RIF1: variants seen among roughly 807,000 people sequenced by gnomAD.
RIF1 encodes telomere-associated protein RIF1.
Under a neutral mutation model 247.1 loss-of-function variants are expected in RIF1, and 45 were observed. That is an observed-to-expected ratio of 0.18 (90% CI 0.14 to 0.23). The LOEUF (loss-of-function observed/expected upper bound fraction) is 0.23. RIF1 is among the 10% of genes least tolerant of loss of function. The pLI is 1.00. For synonymous variants in RIF1, 1,087 were observed against 978.8 expected (o/e 1.11, Z -2.06); for missense variants, 2,967 against 2,862.5 (o/e 1.04, Z -0.83).
chr2:151,455,905 C>T (rs1695115232), intron 22 of RIF1, among the ~76,000 whole-genome samples: 1 of 152,156 alleles, frequency 6.6e-6, no homozygotes, highest in Non-Finnish European at 1.5e-5. Flanking sequence ...GATTGGTGGA[C>T]ATACATGTTT....
intron 12 of RIF1, chr2:151,506,033 G>A: frequency 1.3e-6 from 1 of 788,804 alleles, no homozygotes; most frequent in South Asian, 1.5e-5. Context: ...ACTGTGTGGT[G>A]GTGGTACACA....
chr2:151,494,839 G>T (rs1026762159), intron 9 of RIF1: 1 of 152,494 alleles, frequency 6.6e-6, no homozygotes, highest in Admixed American at 6.6e-5. Flanking sequence ...TAGTAGAGAC[G>T]GGGTTTCACT....
intron 7 of RIF1, among the ~76,000 whole-genome samples, chr2:151,421,925 C>T (rs1244651597): frequency 1.3e-5 from 2 of 151,864 alleles, no homozygotes; most frequent in Non-Finnish European, 2.9e-5. Flanking sequence ...GCTTCCACCT[C>T]CTGGGTTCAA....
chr2:151,446,259 A>G (rs1299090556), intron 19 of RIF1, among the ~76,000 whole-genome samples, 167 bp from the exon 20 acceptor site: 1 of 152,184 alleles, frequency 6.6e-6, no homozygotes. Flanking sequence ...TCGGCCTCCC[A>G]GAGTGCTGGG....
intron 17 of RIF1, 66 bp downstream of exon 17, chr2:151,443,395 G>A (rs1286514196): frequency 1.2e-5 from 16 of 1,302,736 alleles, no homozygotes; most frequent in Admixed American, 2.3e-5. Context: ...GATTATTTAT[G>A]TACTATTTCA....
At chr2:151,489,905 TATAATC>T in intron 9 of RIF1, 1 of 1,270,004 alleles carries the variant, frequency 7.9e-7, no homozygotes, top group East Asian at 2.3e-5. Context: ...ACCTAATACT[TATAATC>T]ATGTTTGCAC....
chr2:151,437,671 A>G (rs989283783), intron 13 of RIF1, among the ~76,000 whole-genome samples: 3 of 152,220 alleles, frequency 2.0e-5, no homozygotes, highest in Non-Finnish European at 4.4e-5. Context: ...AGCCTGGGTG[A>G]TAGAGCAAGA....
chr2:151,423,615 CAA>C, intron 8 of RIF1: 1 of 152,474 alleles, frequency 6.6e-6, no homozygotes, highest in East Asian at 1.9e-4. Flanking sequence ...GAACAGCTGA[CAA>C]AAGTGTTGTG....
At chr2:151,428,717 G>A in intron 8 of RIF1, 67 bp from the exon 9 acceptor site, 1 of 1,232,274 alleles carries the variant, frequency 8.1e-7, no homozygotes, top group South Asian at 1.2e-5. Flanking sequence ...AATGAATAAA[G>A]GAATGATAGC....
chr2:151,484,890 C>T (rs1374061935), downstream of RIF1, among the ~76,000 whole-genome samples: 2 of 152,190 alleles, frequency 1.3e-5, no homozygotes, highest in Non-Finnish European at 2.9e-5. Context: ...GTTGGTCATT[C>T]GCAAGTGAGT....
chr2:151,530,690 C>G, the RIF1 span: 1 of 250,402 alleles, frequency 4.0e-6, no homozygotes, highest in Non-Finnish European at 7.6e-6. Flanking sequence ...GGGTTCCTGT[C>G]TCGTCTACAC....
At position 151,443,618 on chromosome 2, in the gene RIF1, T is replaced by C. The variant is rs1692741983; in HGVS notation, c.1895T>C (p.Ile632Thr). 1 of 1,612,828 alleles carries C rather than the reference T, an allele frequency of 6.2e-7. No homozygotes were observed. The highest frequency in any genetic ancestry group is 8.5e-7 in the Non-Finnish European group (1 of 1,179,546). The change falls in exon 18 of 36, where the codon ATT (isoleucine) becomes ACT (threonine). Residue 632 changes from isoleucine (I) to threonine (T), a missense_variant. Physicochemically the swap from Ile to Thr is moderately conservative, Grantham distance 89 (BLOSUM62 -1). This residue lies in a region of RIF1 where 369 missense variants were observed against 322.0 expected (regional missense o/e 1.15). Coordinates refer to ENST00000444746, the MANE Select transcript of RIF1 (RefSeq NM_018151.5). ...TTCAGTGACTCAGTTTTAAATGTTA[T>C]TAATCAAAATGCAAAGCAGTTGGAA... ...LAFSDSVLNV[I>T]NQNAKQLENK...
At chr2:151,504,725 TG>T (rs1284780632) in intron 12 of RIF1, among the ~76,000 whole-genome samples, 3 of 152,192 alleles carry the variant, frequency 2.0e-5, no homozygotes, top group African/African-American at 4.8e-5. Context: ...GCCTAGAATC[TG>T]CGTATGGATG....
chr2:151,529,406 T>A, the RIF1 span: 1 of 813,408 alleles, frequency 1.2e-6, no homozygotes. Context: ...TGCATGACTA[T>A]AGTACACAAT....
At position 151,477,899 on chromosome 2, in the gene RIF1, G is replaced by C. The variant is rs776676553; in HGVS notation, c.*2828G>C. On this transcript the variant is annotated 3_prime_UTR_variant, in exon 36 of 36. Transcript: ENST00000444746. ...TAATTTTTGTATTTTTAGTAGATAC[G>C]GGGTTTCACCATGTCAGCCAGGCTG... 6.6e-6 allele frequency: 1 copy of C among 152,080 alleles called. No individual in the cohort carries two copies. Among genetic ancestry groups the C allele is most frequent in the Non-Finnish European group, 1.5e-5 (1 of 68,024 alleles). 9.4% of individuals were successfully genotyped at this position (152,080 alleles called of 1,614,324 possible).
rs1692680472 is a variant in RIF1 at position 151,443,244 on chromosome 2, C to T, written c.1735-15C>T. ...TCTTTGTAACTGAGAAGATTGACTTCATTTTCTCCTTCAGGGAACTCCAGC... is the reference window on the plus strand; with the variant it reads ...TCTTTGTAACTGAGAAGATTGACTTTATTTTCTCCTTCAGGGAACTCCAGC... On this transcript the variant is annotated splice_polypyrimidine_tract_variant and intron_variant, in intron 16 of 35. Transcript: ENST00000444746. 1 of 1,494,138 alleles carries T rather than the reference C, an allele frequency of 6.7e-7. No individual in the cohort carries two copies. The highest frequency in any genetic ancestry group is 1.4e-5 in the African/African-American group (1 of 71,958). The allele number at this position is 1,494,138 out of a possible 1,614,324, so 92.6% of individuals were successfully genotyped here.
the RIF1 span, among the ~76,000 whole-genome samples, chr2:151,527,286 C>T: frequency 2.0e-5 from 3 of 152,158 alleles, no homozygotes; most frequent in Non-Finnish European, 4.4e-5. Flanking sequence ...CCAGGCCCAG[C>T]CAAAGGAGAA....
At chr2:151,417,992 T>TA (rs932139579) in intron 6 of RIF1, among the ~76,000 whole-genome samples, 4 of 152,052 alleles carry the variant, frequency 2.6e-5, no homozygotes, top group Non-Finnish European at 5.9e-5. Flanking sequence ...AAAAATATGA[T>TA]AAAAAAGATT....
At chr2:151,449,248 T>C (rs1486424362) in intron 20 of RIF1, among the ~76,000 whole-genome samples, 4 of 152,228 alleles carry the variant, frequency 2.6e-5, no homozygotes, top group Non-Finnish European at 5.9e-5. Flanking sequence ...TGCTATTCTT[T>C]TAAATTATCA....
Sources: allele counts gnomAD v4.1 joint callset (sites outside exome capture counted in the v4.1 genomes callset), GRCh38; gene constraint gnomAD v4.1.1; regional missense constraint gnomAD v4.1.1; transcripts MANE v1.5; gene names NCBI Gene and HGNC (gene_info 2026-07-23, HGNC 2026-07-21).